MYO18A: variants seen among roughly 807,000 people sequenced by gnomAD.
MYO18A encodes myosin XVIIIA.
Under a neutral mutation model 235.8 loss-of-function variants are expected in MYO18A, and 78 were observed. The ratio of observed to expected loss-of-function variants is 0.33; its 90% CI spans 0.28 to 0.40. The LOEUF is 0.40. Ranked by LOEUF, MYO18A falls within the 10% of genes least tolerant of loss-of-function variation. MYO18A has a pLI of 1.00. For synonymous variants in MYO18A, 977 were observed against 1,077.8 expected (o/e 0.91, Z 1.83); for missense variants, 2,215 against 2,699.3 (o/e 0.82, Z 3.98).
At chr17:29,127,425 GAGATGGGA>G (rs1212880435) in intron 2 of MYO18A, among the ~76,000 whole-genome samples, 3 of 152,366 alleles carry the variant, frequency 2.0e-5, no homozygotes, top group African/African-American at 4.8e-5. Flanking sequence ...GAGGAAGTCT[GAGATGGGA>G]CTTTGCTGAG....
intron 2 of MYO18A, among the ~76,000 whole-genome samples, chr17:29,154,122 G>GTGTGTGTGTGTGTGCGCGCA (rs1555539089): frequency 2.7e-5 from 3 of 109,468 alleles, no homozygotes; most frequent in Non-Finnish European, 4.2e-5. Context: ...GTGTGTGTGT[G>GTGTGTGTGTGTGTGCGCGCA]CGCGCGCGTG....
At chr17:29,135,273 T>C (rs2067570127) in intron 2 of MYO18A, among the ~76,000 whole-genome samples, 1 of 152,026 alleles carries the variant, frequency 6.6e-6, no homozygotes, top group African/African-American at 2.4e-5. Flanking sequence ...GCTAATTTTT[T>C]GTATTTTTTT....
rs1161026557 is a variant in MYO18A, at chr17:29,122,221, C to T, written c.1032G>A (p.Glu344=). 1.5e-5 allele frequency: 24 copies of T among 1,613,478 alleles called. No homozygotes were observed. Among genetic ancestry groups the T allele is most frequent in the Middle Eastern group, 1.6e-4 (1 of 6,082 alleles). ...ACACCTTCTCCGTCTCATTCCAGGCCTCTTCTGCTGCAATCTGTTCTTCTG... is the reference window on the plus strand; with the variant it reads ...ACACCTTCTCCGTCTCATTCCAGGCTTCTTCTGCTGCAATCTGTTCTTCTG... ...AKTEEQIAAE[E]AWNETEKVWL... The change falls in exon 3 of 42, where the codon GAG becomes GAA. Residue 344 remains glutamate (E), a synonymous_variant. Coordinates refer to ENST00000527372, the MANE Select transcript of MYO18A (RefSeq NM_078471.4).
chr17:29,155,726 C>A (rs1236263951), intron 2 of MYO18A, among the ~76,000 whole-genome samples: 1 of 152,210 alleles, frequency 6.6e-6, no homozygotes, highest in Admixed American at 6.5e-5. Flanking sequence ...CCTGGCCCCA[C>A]CTGAGGATGG....
In MYO18A at chr17:29,125,457, G is replaced by T. The variant is rs1358093557; in HGVS notation, c.1000-3204C>A. Among the ~76,000 whole-genome samples the T allele has an allele frequency of 2.0e-5, 3 of 152,242 alleles. No homozygotes were observed. Among genetic ancestry groups the T allele is most frequent in the Non-Finnish European group, 4.4e-5 (3 of 68,050 alleles). ...CTCTGGTTACTTAAAGCCCTGAAAA[G>T]CCTTTCTGGGGAGGAAGGCAAGTCA... On this transcript the variant is annotated intron_variant, in intron 2 of 41. Transcript: ENST00000527372. This position sits in a 1 kb window ranked among gnomAD's most constrained non-coding sequence, Gnocchi z 5.1.
rs563761277 is a variant in MYO18A at position 29,073,840 on chromosome 17, G to A, written c.*930C>T. 2 of 1,572,942 alleles carry A rather than the reference G, an allele frequency of 1.3e-6. No individual in the cohort carries two copies. The highest frequency in any genetic ancestry group is 1.2e-5 in the South Asian group (1 of 86,728). On this transcript the variant is annotated 3_prime_UTR_variant, in exon 42 of 42. Transcript: ENST00000527372. ...CAAAACTTCCATCTTCAGTTTTTCT[G>A]ATCACAAGTCCTCAACCCCAAGCCT...
At chr17:29,153,677 T>G (rs755456823) in intron 2 of MYO18A, among the ~76,000 whole-genome samples, 11 of 152,112 alleles carry the variant, frequency 7.2e-5, no homozygotes, top group Non-Finnish European at 1.0e-4. Flanking sequence ...CTCTCTCTCC[T>G]CCTCTCTTCC....
At chr17:29,096,684 C>T (rs2066525333) in intron 28 of MYO18A, 77 bp downstream of exon 28, 2 of 1,431,678 alleles carry the variant, frequency 1.4e-6, no homozygotes, top group Non-Finnish European at 1.8e-6. Flanking sequence ...TTCTTTCCTC[C>T]CTGGAGGGCG....
intron 40 of MYO18A, among the ~76,000 whole-genome samples, chr17:29,082,882 C>A (rs556855221): frequency 6.6e-6 from 1 of 152,262 alleles, no homozygotes; most frequent in East Asian, 1.9e-4. Flanking sequence ...AATTTCCATG[C>A]CTTTGTTACA....
Position 29,073,759 on chromosome 17 carries a change from A to T in MYO18A, c.*1011T>A. The stretch of plus-strand genomic sequence containing the variant: ...AAGTGTGTGGGGGCAGGGAGGTTGG[A>T]AGAATGACACGGGCTCAGGACACAG... On this transcript the variant is annotated 3_prime_UTR_variant, in exon 42 of 42. Transcript: ENST00000527372. 7.6e-7 allele frequency: 1 copy of T among 1,317,316 alleles called. No individual in the cohort carries two copies. 81.6% of individuals were successfully genotyped at this position (1,317,316 alleles called of 1,614,324 possible).
At chr17:29,172,163 C>T (rs2152986591) in intron 1 of MYO18A, among the ~76,000 whole-genome samples, 2 of 152,246 alleles carry the variant, frequency 1.3e-5, no homozygotes, top group Middle Eastern at 6.8e-3. Context: ...TATCAAGTAA[C>T]AAACCTGTGA....
Position 29,110,441 on chromosome 17 carries a change from G to A in MYO18A, c.3082C>T (p.Gln1028Ter), listed in dbSNP as rs1217084933. The stretch of plus-strand genomic sequence containing the variant: ...GGGACCCGGCTGGCACTCACCACCT[G>A]TAGCTTCATCTGGATGCACAGTGAC... ...KKSLCIQMKLQVDALIDTIKK... is the reference protein window; with the variant it reads ...KKSLCIQMKL Residue 1028 changes from glutamine (Q) to a stop codon, truncating the protein, a stop_gained, in exon 18 of 42, where the codon CAG (glutamine) becomes TAG (stop). Coordinates refer to ENST00000527372, the MANE Select transcript of MYO18A (RefSeq NM_078471.4). LOFTEE classifies it high-confidence loss of function. 6.3e-7 allele frequency: 1 copy of A among 1,585,776 alleles called. No homozygotes were observed. The highest frequency in any genetic ancestry group is 8.6e-7 in the Non-Finnish European group (1 of 1,166,442).
At chr17:29,129,707 G>A (rs761757336) in intron 2 of MYO18A, among the ~76,000 whole-genome samples, 3 of 152,372 alleles carry the variant, frequency 2.0e-5, no homozygotes, top group Middle Eastern at 3.4e-3. Context: ...GCAGGAAGAC[G>A]CTCACAGTAG....
chr17:29,144,663 G>C (rs183230268), intron 2 of MYO18A, among the ~76,000 whole-genome samples: 1 of 152,342 alleles, frequency 6.6e-6, no homozygotes, highest in Admixed American at 6.5e-5. Context: ...AGCAACTGAT[G>C]TGCGGCCTGG....
intron 2 of MYO18A, among the ~76,000 whole-genome samples, chr17:29,161,227 C>T (rs2068165207): frequency 1.3e-5 from 2 of 152,016 alleles, no homozygotes; most frequent in Admixed American, 1.3e-4. Flanking sequence ...TGGTGGCAGG[C>T]ACCTGTAATC....
chr17:29,133,832 GC>G, intron 2 of MYO18A: 2 of 1,289,342 alleles, frequency 1.6e-6, no homozygotes, highest in Non-Finnish European at 2.0e-6. Context: ...TGATGAAAAG[GC>G]CATGGCGCTG....
intron 14 of MYO18A, among the ~76,000 whole-genome samples, chr17:29,114,444 A>T (rs2067008004): frequency 6.6e-6 from 1 of 152,212 alleles, no homozygotes; most frequent in Admixed American, 6.5e-5. Flanking sequence ...CTCTCGCCCC[A>T]AATAAATATC....
chr17:29,091,203 GA>G, intron 34 of MYO18A: 1 of 432,498 alleles, frequency 2.3e-6, no homozygotes, highest in Admixed American at 3.7e-5. Flanking sequence ...TGAGAAGGCA[GA>G]AAAGGTCTGC....
chr17:29,082,992 T>G (rs1245771901), intron 40 of MYO18A, among the ~76,000 whole-genome samples: 1 of 148,850 alleles, frequency 6.7e-6, no homozygotes, highest in Non-Finnish European at 1.5e-5. Context: ...AGCACCAACC[T>G]GGGCTCTAGG....
Sources: gnomAD v4.1 joint callset for allele counts (sites outside exome capture counted in the v4.1 genomes callset) on GRCh38, gnomAD v4.1.1 for gene constraint, Gnocchi (gnomAD v3.1) non-coding constraint, MANE v1.5 for transcripts, NCBI Gene and HGNC (gene_info 2026-07-23, HGNC 2026-07-21) for gene names.